The following PVT1 variants were observed in gnomAD, a reference collection of about 807,000 sequenced individuals.
PVT1 encodes CXCR4/PVT1 fusion.
intron 3 of PVT1, among the ~76,000 whole-genome samples, chr8:127,937,621 T>C (rs1816295032): frequency 7.5e-6 from 1 of 133,442 alleles, no homozygotes; most frequent in Non-Finnish European, 1.6e-5. Flanking sequence ...CAACGTGGCC[T>C]CTCTAAATAG....
chr8:128,061,779 A>G (rs1376014670), intron 4 of PVT1, among the ~76,000 whole-genome samples: 1 of 152,202 alleles, frequency 6.6e-6, no homozygotes, highest in East Asian at 1.9e-4. Context: ...GGGAAAGGGA[A>G]ATGTTCTGTG....
At chr8:127,952,993 T>C (rs1350861310) in intron 3 of PVT1, among the ~76,000 whole-genome samples, 1 of 152,102 alleles carries the variant, frequency 6.6e-6, no homozygotes, top group African/African-American at 2.4e-5. Context: ...CTCGATCTCC[T>C]GCCCTCGTGA....
At chr8:127,848,182 G>T in intron 2 of PVT1, among the ~76,000 whole-genome samples, 1 of 152,176 alleles carries the variant, frequency 6.6e-6, no homozygotes, top group East Asian at 1.9e-4. Context: ...GAGGTAAAAC[G>T]TCAGTTCTTA....
chr8:127,907,053 C>G (rs529042679), intron 3 of PVT1, among the ~76,000 whole-genome samples: 2 of 151,866 alleles, frequency 1.3e-5, no homozygotes, highest in African/African-American at 4.8e-5. Flanking sequence ...CTCCCTCTCC[C>G]GGGCTCAAGC....
intron 2 of PVT1, chr8:127,803,125 CTTTTT>C (rs57755504): frequency 2.8e-5 from 3 of 105,368 alleles, no homozygotes; most frequent in African/African-American, 3.9e-5. Context: ...TTCTTTCTTT[CTTTTT>C]TTTTTTTTTT....
chr8:128,007,497 T>C (rs946606086), intron 4 of PVT1, among the ~76,000 whole-genome samples: 2 of 151,838 alleles, frequency 1.3e-5, no homozygotes, highest in Non-Finnish European at 2.9e-5. Flanking sequence ...GTGTCCACAA[T>C]CAATTGGAAA....
chr8:128,041,499 A>ATGTG (rs972331091), intron 4 of PVT1, among the ~76,000 whole-genome samples: 1 of 36,336 alleles, frequency 2.8e-5, no homozygotes, highest in Non-Finnish European at 6.0e-5. Flanking sequence ...TGTGTTTGGT[A>ATGTG]TGTGTGTGTG....
intron 4 of PVT1, among the ~76,000 whole-genome samples, chr8:128,028,797 C>T (rs780909651): frequency 1.3e-5 from 2 of 152,070 alleles, no homozygotes; most frequent in South Asian, 2.1e-4. Context: ...CTAAAAGACT[C>T]GTGTGAAAGA....
At chr8:128,060,800 G>A (rs529116875) in intron 4 of PVT1, among the ~76,000 whole-genome samples, 36 of 151,774 alleles carry the variant, frequency 2.4e-4, no homozygotes, top group Admixed American at 6.6e-4. Flanking sequence ...TTTACATACC[G>A]TACAATTTAC....
intron 5 of PVT1, among the ~76,000 whole-genome samples, chr8:128,093,322 C>T (rs1338923110): frequency 2.0e-5 from 3 of 152,092 alleles, no homozygotes; most frequent in Non-Finnish European, 4.4e-5. Context: ...CTTTGGGAGG[C>T]CGAGGTGGGC....
At chr8:127,897,513 A>C (rs527798267) in intron 3 of PVT1, among the ~76,000 whole-genome samples, 123 of 151,068 alleles carry the variant, frequency 8.1e-4, no homozygotes, top group African/African-American at 2.5e-3. Context: ...GAAGGAAGGA[A>C]GGAAGGAAAG....
Position 127,981,465 on chromosome 8 carries a change from G to A in PVT1, n.783-7697G>A, listed in dbSNP as rs143149211. On this transcript the variant is annotated intron_variant and non_coding_transcript_variant, in intron 3 of 10. Transcript: ENST00000651587. ...GTTTATCTGCACAAGTCACCCAAGT[G>A]ATCAGAACGCTTTTACGGAAAACAA... is the stretch of plus-strand genomic sequence containing the variant. 2.0e-5 allele frequency among the ~76,000 whole-genome samples: 3 copies of A among 152,354 alleles called. No homozygotes were observed. In the East Asian group the frequency reaches 5.8e-4, roughly 29 times the overall value.
chr8:127,799,135 G>A (rs1014151724), intron 2 of PVT1, among the ~76,000 whole-genome samples: 1 of 151,842 alleles, frequency 6.6e-6, no homozygotes, highest in African/African-American at 2.4e-5. Context: ...AGTTAGGTGG[G>A]GGGGGAGGTA....
chr8:127,799,092 T>C (rs1165794155), intron 2 of PVT1, among the ~76,000 whole-genome samples: 1 of 152,126 alleles, frequency 6.6e-6, no homozygotes, highest in African/African-American at 2.4e-5. Context: ...TGTTTTTTTT[T>C]TCCTTTATCT....
chr8:127,874,702 A>G (rs952374897), intron 2 of PVT1, among the ~76,000 whole-genome samples: 5 of 152,218 alleles, frequency 3.3e-5, no homozygotes, highest in Non-Finnish European at 5.9e-5. Context: ...GGTTTGAGAC[A>G]GAAGTGAAGC....
intron 5 of PVT1, among the ~76,000 whole-genome samples, chr8:128,084,346 C>G (rs530027923): frequency 6.6e-6 from 1 of 152,130 alleles, no homozygotes; most frequent in South Asian, 2.1e-4. Context: ...TTTGCACATA[C>G]GATTTTCCTT....
intron 4 of PVT1, among the ~76,000 whole-genome samples, chr8:128,015,090 T>TATTA (rs1394598708): frequency 2.8e-5 from 4 of 144,390 alleles, no homozygotes; most frequent in Middle Eastern, 3.2e-3. Context: ...TTTATTTATT[T>TATTA]ATTATTTATT....
At chr8:128,015,058 T>TATTG (rs751357818) in intron 4 of PVT1, among the ~76,000 whole-genome samples, 2 of 113,318 alleles carry the variant, frequency 1.8e-5, no homozygotes, top group Admixed American at 1.8e-4. Context: ...GAAATAGATT[T>TATTG]ATTTATTTAT....
At chr8:127,998,141 TA>T (rs1817128504) in intron 4 of PVT1, 2 of 152,262 alleles carry the variant, frequency 1.3e-5, no homozygotes, top group Admixed American at 1.3e-4. Flanking sequence ...TTGTCCACTT[TA>T]AAGATACTTT....
Sources: allele counts gnomAD v4.1 joint callset (sites outside exome capture counted in the v4.1 genomes callset), GRCh38; gene constraint gnomAD v4.1.1; transcripts MANE v1.5; gene names NCBI Gene and HGNC (gene_info 2026-07-23, HGNC 2026-07-21).